ZNF737: variants seen among roughly 807,000 people sequenced by gnomAD.
ZNF737 encodes zinc finger protein 102 (Y3).
A neutral mutation model predicts 11.7 loss-of-function variants in ZNF737; 13 were observed. The ratio of observed to expected loss-of-function variants is 1.11; its 90% confidence interval spans 0.73 to 1.77. The LOEUF is 1.77. Ranked by LOEUF, ZNF737 falls within the 40% of genes most tolerant of loss-of-function variation. The probability of loss-of-function intolerance (pLI) is 0.00; values close to 1 mark genes in which losing one functional copy is unlikely to be tolerated. For missense variants in ZNF737, 636 were observed against 638.0 expected (o/e 1.00, Z 0.03); for synonymous variants, 217 against 216.2 (o/e 1.00, Z -0.03).
rs1555756608 is a variant in ZNF737, at chr19:20,545,348, G to A, written c.855C>T (p.Tyr285=). ...HKIIHTGEKP[Y]KCEECGKAFK... ...AGGCCTTGCCACATTCTTCACATTT[G>A]TAGGGTTTCTCTCCAGTATGAATTA... The change falls in exon 4 of 4, where the codon TAC becomes TAT. Residue 285 remains tyrosine (Y), a synonymous_variant. Transcript: ENST00000427401. 1.2e-6 allele frequency: 2 copies of A among 1,613,876 alleles called. No individual in the cohort carries two copies. The highest frequency in any genetic ancestry group is 2.2e-5 in the East Asian group (1 of 44,870).
rs1220124877 is a variant in ZNF737 at position 20,538,979 on chromosome 19, A to G, written c.*5613T>C. 1.0e-6 allele frequency: 1 copy of G among 985,292 alleles called. No homozygotes were observed. Among genetic ancestry groups the G allele is most frequent in the African/African-American group, 1.7e-5 (1 of 57,240 alleles). The allele number at this position is 985,292 out of a possible 1,614,324, so 61.0% of individuals were successfully genotyped here. ...AATCAGAGAAGAGCAATGTGTGTAC[A>G]TAATGTGCATTTTCCTGCCTACCAA... is the stretch of plus-strand genomic sequence containing the variant. On this transcript the variant is annotated 3_prime_UTR_variant, in exon 4 of 4. Transcript: ENST00000427401.
intron 1 of ZNF737, among the ~76,000 whole-genome samples, chr19:20,562,870 C>G (rs112358549): frequency 6.6e-6 from 1 of 151,992 alleles, no homozygotes. Context: ...TATGTCCCTC[C>G]TAAGAACATG....
In ZNF737 at chr19:20,538,759, T is replaced by A. The variant is rs144871839; in HGVS notation, c.*5833A>T. 1 of 985,352 alleles carries A rather than the reference T, an allele frequency of 1.0e-6. No individual in the cohort carries two copies. Among genetic ancestry groups the A allele is most frequent in the East Asian group, 1.1e-4 (1 of 8,800 alleles). 61.0% of individuals were successfully genotyped at this position (985,352 alleles called of 1,614,324 possible). A position where few individuals can be genotyped will look rare whatever the true frequency, so the allele number is the denominator to read the frequency against. ...ATCAATGCTTTCCACATGCACCCAA[T>A]AGAGTCTTAATTTAATTGGGCTGTT... is the stretch of plus-strand genomic sequence containing the variant. On this transcript the variant is annotated 3_prime_UTR_variant, in exon 4 of 4. Coordinates refer to ENST00000427401, the MANE Select transcript of ZNF737 (RefSeq NM_001159293.2).
chr19:20,532,861 G>A (rs1967863686), downstream of ZNF737, among the ~76,000 whole-genome samples: 1 of 149,688 alleles, frequency 6.7e-6, no homozygotes, highest in Admixed American at 6.7e-5. Context: ...CATTATATTT[G>A]CTTCCATCAT....
In ZNF737 at chr19:20,545,830, C is replaced by A. The variant is rs9653154; in HGVS notation, c.373G>T (p.Val125Leu). Residue 125 changes from valine (V) to leucine (L), a missense_variant, in exon 4 of 4, where the codon GTG becomes TTG. Coordinates refer to ENST00000427401, the MANE Select transcript of ZNF737 (RefSeq NM_001159293.2). ...AGTCCATTATAACCTCTTTTGTGCA[C>A]CTTACACTCATCTACACTTTCACAG... is the stretch of plus-strand genomic sequence containing the variant. ...KGCESVDECK[V>L]HKRGYNGLNQ... is the part of the protein sequence containing the mutation. 6,082 of 1,613,550 alleles carry A rather than the reference C, an allele frequency of 3.8e-3. 187 individuals carry two copies. The African/African-American group carries it at 0.07, about 19-fold the overall frequency.
At chr19:20,546,590 T>C (rs1968464366) in intron 3 of ZNF737, among the ~76,000 whole-genome samples, 1 of 152,192 alleles carries the variant, frequency 6.6e-6, no homozygotes, top group Non-Finnish European at 1.5e-5. Flanking sequence ...AGGACACATA[T>C]GAAGTTTTAT....
rs1046444228 is a variant in ZNF737 at position 20,548,766 on chromosome 19, G to T, written c.227-2790C>A. 2.0e-5 allele frequency among the ~76,000 whole-genome samples: 3 copies of T among 150,326 alleles called. No individual in the cohort carries two copies. The Admixed American group carries it at 2.0e-4, about 10-fold the overall frequency. ...TATTATTATTATTATTTTTTATAGA[G>T]AGGTGTCACCATATGTTGCCCTGGC... On this transcript the variant is annotated intron_variant, in intron 3 of 3. Coordinates refer to ENST00000427401, the MANE Select transcript of ZNF737 (RefSeq NM_001159293.2).
rs1273015019 is a variant in ZNF737 at position 20,541,466 on chromosome 19, A to AGAT, written c.*3123_*3125dup. On this transcript the variant is annotated 3_prime_UTR_variant, in exon 4 of 4. Coordinates refer to ENST00000427401, the MANE Select transcript of ZNF737 (RefSeq NM_001159293.2). ...GATTTTATTTTTATTTTATTTTTTG[A>AGAT]GATGGAGACTCACTCTGTCAGCCAG... 2.2e-6 allele frequency: 2 copies of AGAT among 918,838 alleles called. No individual in the cohort carries two copies. Among genetic ancestry groups the AGAT allele is most frequent in the African/African-American group, 3.6e-5 (2 of 55,304 alleles). 56.9% of individuals were successfully genotyped at this position (918,838 alleles called of 1,614,324 possible). A position where few individuals can be genotyped will look rare whatever the true frequency, so the allele number is the denominator to read the frequency against.
At position 20,539,988 on chromosome 19, in the gene ZNF737, G is replaced by A; in HGVS notation, c.*4604C>T. On this transcript the variant is annotated 3_prime_UTR_variant, in exon 4 of 4. Transcript: ENST00000427401. Reference sequence around the variant, plus strand: ...TTCCTCCCATTAATGTGGACCTGTTGTGGTCTCCTGTTTCTCTTAAGCTAT... The same window carrying A: ...TTCCTCCCATTAATGTGGACCTGTTATGGTCTCCTGTTTCTCTTAAGCTAT... 1 of 985,338 alleles carries A rather than the reference G, an allele frequency of 1.0e-6. No homozygotes were observed. Among genetic ancestry groups the A allele is most frequent in the Non-Finnish European group, 1.2e-6 (1 of 829,936 alleles). The allele number at this position is 985,338 out of a possible 1,614,324, so 61.0% of individuals were successfully genotyped here.
chr19:20,551,021 A>G (rs1303869199), intron 3 of ZNF737: 1 of 152,252 alleles, frequency 6.6e-6, no homozygotes, highest in East Asian at 1.9e-4. Flanking sequence ...ATTTACAGCA[A>G]TGTAGGCAGG....
rs1213123567 is a variant in ZNF737, at chr19:20,542,198, T to C, written c.*2394A>G. 1.0e-6 allele frequency: 1 copy of C among 984,016 alleles called. No homozygotes were observed. Among genetic ancestry groups the C allele is most frequent in the African/African-American group, 1.8e-5 (1 of 57,098 alleles). The allele number at this position is 984,016 out of a possible 1,614,324, so 61.0% of individuals were successfully genotyped here. On this transcript the variant is annotated 3_prime_UTR_variant, in exon 4 of 4. Coordinates refer to ENST00000427401, the MANE Select transcript of ZNF737 (RefSeq NM_001159293.2). ...CACGGTAGTCTTACCATGGTAAAAA[T>C]AAAATAAAATTAAGTTCACAAATAA...
downstream of ZNF737, chr19:20,535,684 C>G (rs1374197866): frequency 6.6e-6 from 1 of 151,772 alleles, no homozygotes; most frequent in Non-Finnish European, 1.5e-5. Flanking sequence ...TGCCACCACA[C>G]CCAGCAAATT....
Position 20,553,757 on chromosome 19 carries a change from A to G in ZNF737, c.82T>C (p.Leu28=), listed in dbSNP as rs782137809. 4 of 1,613,986 alleles carry G rather than the reference A, an allele frequency of 2.5e-6. No homozygotes were observed. The highest frequency in any genetic ancestry group is 2.2e-5 in the East Asian group (1 of 44,874). The change falls in exon 2 of 4, where the codon TTA becomes CTA. Residue 28 remains leucine, a synonymous_variant. Coordinates refer to ENST00000427401, the MANE Select transcript of ZNF737 (RefSeq NM_001159293.2). ...WHCLDTAQRN[L]YRNVMLENYR... ...TTCTCTAACATCACATTCCTATATA[A>G]ATTCCGCTGTGCAGTGTCCAGGCAA...
At chr19:20,552,000 G>C (rs1181943157) in intron 3 of ZNF737, among the ~76,000 whole-genome samples, 2 of 146,204 alleles carry the variant, frequency 1.4e-5, no homozygotes, top group Non-Finnish European at 3.0e-5. Flanking sequence ...GATATCATAC[G>C]TATAATTTCA....
chr19:20,545,836 A>T lies in ZNF737; in HGVS notation c.367T>A (p.Cys123Ser). The T allele has an allele frequency of 6.2e-7, 1 of 1,613,254 alleles. No homozygotes were observed. The highest frequency in any genetic ancestry group is 8.5e-7 in the Non-Finnish European group (1 of 1,179,766). ...TTATAACCTCTTTTGTGCACCTTACACTCATCTACACTTTCACAGCCCTTT... is the reference window on the plus strand; with the variant it reads ...TTATAACCTCTTTTGTGCACCTTACTCTCATCTACACTTTCACAGCCCTTT... ...FKKGCESVDE[C>S]KVHKRGYNGL... The change falls in exon 4 of 4, where the codon TGT becomes AGT. Residue 123 changes from cysteine to serine, a missense_variant. Transcript: ENST00000427401.
At chr19:20,537,509 C>CTTTTTTTT (rs1172290847), downstream of ZNF737, among the ~76,000 whole-genome samples, 2 of 58,478 alleles carry the variant, frequency 3.4e-5, no homozygotes, top group African/African-American at 1.7e-4. Flanking sequence ...GCCTGGTTTT[C>CTTTTTTTT]TATTTTTTTT....
intron 3 of ZNF737, among the ~76,000 whole-genome samples, chr19:20,549,700 T>A (rs1160524438): frequency 6.6e-6 from 1 of 151,786 alleles, no homozygotes; most frequent in Non-Finnish European, 1.5e-5. Context: ...GAGGCCAAGA[T>A]GAGCAGATCA....
chr19:20,544,681 G>T lies in ZNF737; in HGVS notation c.1522C>A (p.Pro508Thr). ...TTGCCACATTCTTCACATTTGTAGG[G>T]TTTCTCTCCAGTATGAATTCTCTTA... ...RHKRIHTGEKPYKCEECGKGF... is the reference protein window; with the variant it reads ...RHKRIHTGEKTYKCEECGKGF... The change falls in exon 4 of 4, where the codon CCC becomes ACC. Residue 508 changes from proline (P) to threonine (T), a missense_variant. Transcript: ENST00000427401. 2 of 1,607,126 alleles carry T rather than the reference G, an allele frequency of 1.2e-6. No homozygotes were observed. The highest frequency in any genetic ancestry group is 2.2e-5 in the South Asian group (2 of 90,298).
At chr19:20,563,639 C>T (rs563473238) in intron 1 of ZNF737, among the ~76,000 whole-genome samples, 1 of 151,862 alleles carries the variant, frequency 6.6e-6, no homozygotes, top group African/African-American at 2.4e-5. Flanking sequence ...GCGTATGCCA[C>T]CACACCCGGC....
Sources: gnomAD v4.1 joint callset for allele counts (sites outside exome capture counted in the v4.1 genomes callset) on GRCh38, gnomAD v4.1.1 for gene constraint, MANE v1.5 for transcripts, NCBI Gene and HGNC (gene_info 2026-07-23, HGNC 2026-07-21) for gene names.